Variants in DENND5A observed in about 807,000 individuals in gnomAD.
The protein encoded by DENND5A is DENN domain-containing protein 5A.
A neutral mutation model predicts 140.3 loss-of-function variants in DENND5A; 64 were observed. That is an observed-to-expected ratio of 0.46 (90% CI 0.37 to 0.56). The LOEUF is 0.56. Ranked by LOEUF, DENND5A falls within the 20% of genes least tolerant of loss-of-function variation. The pLI, the probability that DENND5A is intolerant of heterozygous loss-of-function variation, is 0.00. For synonymous variants in DENND5A, 605 were observed against 607.7 expected, an observed-to-expected ratio of 1.00 and a Z score of 0.07; for missense variants, 1,292 against 1,593.8, an observed-to-expected ratio of 0.81 and a Z score of 3.22.
At chr11:9,167,554 G>C (rs954839326) in intron 10 of DENND5A, among the ~76,000 whole-genome samples, 1 of 151,654 alleles carries the variant, frequency 6.6e-6, no homozygotes, top group African/African-American at 2.4e-5. Context: ...GAGGCGAGTG[G>C]ATCACTTGAG....
chr11:9,257,176 A>C (rs1274630018), intron 1 of DENND5A, among the ~76,000 whole-genome samples: 1 of 151,726 alleles, frequency 6.6e-6, no homozygotes, highest in African/African-American at 2.4e-5. Context: ...CGCCCGGCTA[A>C]TTTTTGTATT....
chr11:9,219,848 T>C (rs1340127780), intron 1 of DENND5A, among the ~76,000 whole-genome samples: 1 of 152,202 alleles, frequency 6.6e-6, no homozygotes, highest in African/African-American at 2.4e-5. Context: ...CAGACTTCTA[T>C]AACAAAAAGA....
rs1848922138 is a variant in DENND5A at position 9,186,615 on chromosome 11, C to T, written c.1138-5531G>A. Reference sequence around the variant, plus strand: ...GAGTCTGTAAAGAATCTTTAAAACTCCAAATGCTGTGTCCACATTTGTAGA... The same window carrying T: ...GAGTCTGTAAAGAATCTTTAAAACTTCAAATGCTGTGTCCACATTTGTAGA... On this transcript the variant is annotated intron_variant, in intron 5 of 22. Transcript: ENST00000328194. Among the ~76,000 whole-genome samples, 12 of 152,318 alleles carry T rather than the reference C, an allele frequency of 7.9e-5. No individual in the cohort carries two copies. The South Asian group carries it at 2.5e-3, about 32-fold the overall frequency.
At position 9,144,086 on chromosome 11, in the gene DENND5A, C is replaced by CT; in HGVS notation, c.3304+10dup. 6.2e-7 allele frequency: 1 copy of CT among 1,610,976 alleles called. No individual in the cohort carries two copies. The highest frequency in any genetic ancestry group is 8.5e-7 in the Non-Finnish European group (1 of 1,178,490). Reference sequence around the variant, plus strand: ...GTATGGCATGAGGGCCCAACCCCTCCTCCCACTTACTGGGCTTGTTGTTGG... The same window carrying CT: ...GTATGGCATGAGGGCCCAACCCCTCCTTCCCACTTACTGGGCTTGTTGTTGG... On this transcript the variant is annotated intron_variant, in intron 19 of 22. Coordinates refer to ENST00000328194, the MANE Select transcript of DENND5A (RefSeq NM_015213.4).
At chr11:9,190,691 A>G (rs1000242819) in intron 5 of DENND5A, among the ~76,000 whole-genome samples, 5 of 152,188 alleles carry the variant, frequency 3.3e-5, no homozygotes, top group African/African-American at 1.2e-4. Flanking sequence ...CTTCCTTCTA[A>G]GACTGTAGTT....
intron 1 of DENND5A, among the ~76,000 whole-genome samples, chr11:9,210,119 G>T (rs1229536595): frequency 2.6e-5 from 4 of 151,764 alleles, no homozygotes; most frequent in Non-Finnish European, 5.9e-5. Flanking sequence ...AAAAAAAAGA[G>T]AAGAAACAGT....
intron 12 of DENND5A, among the ~76,000 whole-genome samples, chr11:9,152,917 G>C (rs1374529902): frequency 1.3e-5 from 2 of 151,436 alleles, no homozygotes; most frequent in African/African-American, 4.9e-5. Flanking sequence ...AGAATCACTT[G>C]AACCCGGGAG....
chr11:9,190,162 C>T (rs552693841), intron 5 of DENND5A, among the ~76,000 whole-genome samples: 1 of 152,270 alleles, frequency 6.6e-6, no homozygotes, highest in African/African-American at 2.4e-5. Context: ...TTTGATTTTA[C>T]AGGCTTATAA....
chr11:9,210,474 T>C (rs1849839326), intron 1 of DENND5A, among the ~76,000 whole-genome samples: 1 of 152,216 alleles, frequency 6.6e-6, no homozygotes, highest in Non-Finnish European at 1.5e-5. Context: ...AAAGCATACA[T>C]GCCTTACAAG....
intron 5 of DENND5A, among the ~76,000 whole-genome samples, chr11:9,182,619 G>T (rs1043641409): frequency 6.6e-6 from 1 of 152,180 alleles, no homozygotes; most frequent in African/African-American, 2.4e-5. Flanking sequence ...CAATATGGAT[G>T]AGCCTGGAGC....
intron 1 of DENND5A, among the ~76,000 whole-genome samples, chr11:9,255,661 C>A (rs187227787): frequency 1.3e-5 from 2 of 152,084 alleles, no homozygotes; most frequent in Non-Finnish European, 2.9e-5. Flanking sequence ...GTCAGGAGTT[C>A]GAGACCAGCC....
At chr11:9,159,332 T>C (rs1847905574) in intron 12 of DENND5A, among the ~76,000 whole-genome samples, 1 of 151,538 alleles carries the variant, frequency 6.6e-6, no homozygotes, top group Non-Finnish European at 1.5e-5. Flanking sequence ...TTTTTTTTTT[T>C]TTTTTGAGAC....
intron 1 of DENND5A, among the ~76,000 whole-genome samples, chr11:9,209,559 T>C (rs918294150): frequency 1.3e-5 from 2 of 152,180 alleles, no homozygotes; most frequent in African/African-American, 4.8e-5. Flanking sequence ...AATAAAGGAC[T>C]ATACGGGGTG....
chr11:9,249,143 G>A (rs1186056659), intron 1 of DENND5A, among the ~76,000 whole-genome samples: 1 of 151,980 alleles, frequency 6.6e-6, no homozygotes, highest in Non-Finnish European at 1.5e-5. Flanking sequence ...CAGGAGAATG[G>A]CGTGAACCCG....
At chr11:9,177,663 G>GA (rs1848589817) in intron 8 of DENND5A, among the ~76,000 whole-genome samples, 1 of 147,210 alleles carries the variant, frequency 6.8e-6, no homozygotes, top group Admixed American at 6.8e-5. Context: ...CACACAGGCA[G>GA]AAAAAAGGGC....
At chr11:9,226,083 AATCATCATCATC>A (rs887849267) in intron 1 of DENND5A, among the ~76,000 whole-genome samples, 3 of 151,212 alleles carry the variant, frequency 2.0e-5, no homozygotes, top group Non-Finnish European at 2.9e-5. Flanking sequence ...CTGTCTCAAA[AATCATCATCATC>A]ATCATTATCA....
intron 4 of DENND5A, among the ~76,000 whole-genome samples, chr11:9,195,973 G>A (rs566335274): frequency 3.9e-5 from 6 of 151,946 alleles, no homozygotes; most frequent in Non-Finnish European, 7.4e-5. Context: ...TGTTTTTTGA[G>A]ACAAAGTCTC....
Position 9,139,457 on chromosome 11 carries a change from C to T in DENND5A, c.*214G>A, listed in dbSNP as rs1477710063. On this transcript the variant is annotated 3_prime_UTR_variant, in exon 23 of 23. Transcript: ENST00000328194. ...AGCGGCACCAGCCTCGCTCCCTCTC[C>T]CTATCACTCTTTCACATGAAAGTGT... The T allele has an allele frequency of 3.6e-6, 2 of 560,466 alleles. No individual in the cohort carries two copies. The highest frequency in any genetic ancestry group is 2.2e-5 in the South Asian group (1 of 45,334). 34.7% of individuals were successfully genotyped at this position (560,466 alleles called of 1,614,324 possible).
chr11:9,150,007 C>T (rs936542551), intron 15 of DENND5A, 74 bp downstream of exon 15: 1 of 1,540,292 alleles, frequency 6.5e-7, no homozygotes. Context: ...AATACTCCCC[C>T]TTCCCACACA....
Sources: allele counts gnomAD v4.1 joint callset (sites outside exome capture counted in the v4.1 genomes callset), GRCh38; gene constraint gnomAD v4.1.1; transcripts MANE v1.5; gene names NCBI Gene and HGNC (gene_info 2026-07-23, HGNC 2026-07-21).